Variants in GUCY1B1 observed in about 807,000 individuals in gnomAD.
GUCY1B1 encodes guanylate cyclase 1 soluble subunit beta 1.
Under a neutral mutation model 71.0 loss-of-function variants are expected in GUCY1B1, and 43 were observed. The observed-to-expected ratio is 0.61, with a 90% CI of 0.47 to 0.78. The LOEUF (loss-of-function observed/expected upper bound fraction) is 0.78, where lower values mean the gene tolerates loss of function less well. Ranked by LOEUF, GUCY1B1 falls within the 30% of genes least tolerant of loss-of-function variation. The pLI is 0.00. For synonymous variants in GUCY1B1, 266 were observed against 259.7 expected, an observed-to-expected ratio of 1.02 and a Z score of -0.23; for missense variants, 535 against 754.1, an observed-to-expected ratio of 0.71 and a Z score of 3.40.
chr4:155,782,335 C>G (rs996045974), intron 4 of GUCY1B1, among the ~76,000 whole-genome samples: 1 of 152,084 alleles, frequency 6.6e-6, no homozygotes, highest in African/African-American at 2.4e-5. Context: ...GTGATCCGCC[C>G]GCCTCGGCCT....
At chr4:155,774,102 G>C (rs1737873474) in intron 2 of GUCY1B1, among the ~76,000 whole-genome samples, 1 of 152,144 alleles carries the variant, frequency 6.6e-6, no homozygotes, top group African/African-American at 2.4e-5. Flanking sequence ...CTTTAACCTA[G>C]AGCAGTTTAT....
At chr4:155,770,508 C>T (rs754619541) in intron 2 of GUCY1B1, among the ~76,000 whole-genome samples, 2 of 152,168 alleles carry the variant, frequency 1.3e-5, no homozygotes, top group Non-Finnish European at 2.9e-5. Flanking sequence ...TTTCTACTAG[C>T]TTCAAAGGCC....
chr4:155,775,090 T>G, intron 3 of GUCY1B1, 22 bp downstream of exon 3: 1 of 1,264,284 alleles, frequency 7.9e-7, no homozygotes, highest in South Asian at 1.2e-5. Context: ...GCAACTTTCC[T>G]TCTTTGGCCA....
At chr4:155,799,405 C>T (rs1739789088) in intron 8 of GUCY1B1, among the ~76,000 whole-genome samples, 1 of 152,086 alleles carries the variant, frequency 6.6e-6, no homozygotes, top group African/African-American at 2.4e-5. Flanking sequence ...AATTTTTACT[C>T]ATTGTTTCCA....
chr4:155,778,962 A>G (rs2111052529), intron 4 of GUCY1B1, among the ~76,000 whole-genome samples: 1 of 150,874 alleles, frequency 6.6e-6, no homozygotes, highest in South Asian at 2.1e-4. Flanking sequence ...AAGTGGTTTT[A>G]TTAATTCCTT....
intron 5 of GUCY1B1, among the ~76,000 whole-genome samples, chr4:155,791,743 G>GAAAA (rs70954059): frequency 3.3e-5 from 2 of 60,032 alleles, no homozygotes; most frequent in Non-Finnish European, 4.6e-5. Flanking sequence ...AAAAAATAGA[G>GAAAA]AAAAAAAAAA....
intron 7 of GUCY1B1, 60 bp downstream of exon 7, chr4:155,795,517 A>AG: frequency 3.8e-6 from 3 of 797,028 alleles, no homozygotes; most frequent in Non-Finnish European, 4.3e-6. Flanking sequence ...AGAAGTATTC[A>AG]GGGGGGAAAA....
intron 2 of GUCY1B1, among the ~76,000 whole-genome samples, chr4:155,766,486 C>A (rs1737343519): frequency 6.6e-6 from 1 of 152,114 alleles, no homozygotes; most frequent in Non-Finnish European, 1.5e-5. Flanking sequence ...TTCAAGTATT[C>A]ATTATAGTAT....
At chr4:155,762,901 G>A (rs1481204496) in intron 2 of GUCY1B1, among the ~76,000 whole-genome samples, 2 of 152,128 alleles carry the variant, frequency 1.3e-5, no homozygotes, top group African/African-American at 2.4e-5. Context: ...GATGACCTCT[G>A]ATTTAGACCA....
At chr4:155,774,378 C>T (rs538449300) in intron 2 of GUCY1B1, among the ~76,000 whole-genome samples, 3 of 152,170 alleles carry the variant, frequency 2.0e-5, no homozygotes, top group East Asian at 1.9e-4. Context: ...GGCTTACTCT[C>T]GGAGCTCCTT....
At chr4:155,774,228 C>G (rs1173721987) in intron 2 of GUCY1B1, among the ~76,000 whole-genome samples, 2 of 152,190 alleles carry the variant, frequency 1.3e-5, no homozygotes, top group Non-Finnish European at 2.9e-5. Context: ...CCTACCCGTT[C>G]CCTGATAGCT....
intron 4 of GUCY1B1, among the ~76,000 whole-genome samples, chr4:155,786,511 C>A (rs1447985986): frequency 7.1e-6 from 1 of 141,564 alleles, no homozygotes; most frequent in African/African-American, 2.6e-5. Context: ...ACTCTGTCGC[C>A]CAGGCTGGAG....
At chr4:155,765,404 A>G (rs1236359551) in intron 2 of GUCY1B1, among the ~76,000 whole-genome samples, 3 of 152,160 alleles carry the variant, frequency 2.0e-5, no homozygotes, top group Non-Finnish European at 4.4e-5. Flanking sequence ...CAGCTTTTTC[A>G]TTCTCTCCTT....
Position 155,802,461 on chromosome 4 carries a change from C to T in GUCY1B1, c.1295C>T (p.Ala432Val), listed in dbSNP as rs367917156. 1.1e-4 allele frequency: 173 copies of T among 1,613,824 alleles called. No individual in the cohort carries two copies. Among genetic ancestry groups the T allele is most frequent in the Non-Finnish European group, 1.4e-4 (169 of 1,179,800 alleles). Residue 432 changes from alanine to valine, a missense_variant, in exon 10 of 14, where the codon GCT (alanine) becomes GTT (valine). Physicochemically the swap from Ala to Val is moderately conservative, Grantham distance 64. Coordinates refer to ENST00000264424, the MANE Select transcript of GUCY1B1 (RefSeq NM_000857.5). This position sits in a 1 kb window ranked among gnomAD's most constrained non-coding sequence, Gnocchi z 4.3. ...TTTAGTGGCATTGTGGGCTTCAATG[C>T]TTTCTGTAGCAAGCATGCATCTGGA... ...ILFSGIVGFN[A>V]FCSKHASGEG...
intron 9 of GUCY1B1, among the ~76,000 whole-genome samples, chr4:155,801,587 G>T (rs995769039): frequency 1.3e-4 from 20 of 152,096 alleles, no homozygotes; most frequent in African/African-American, 4.8e-4. Context: ...ATGCCCTTTT[G>T]CTTTAGAGCA....
chr4:155,789,900 A>G lies in GUCY1B1; in HGVS notation c.484A>G (p.Ile162Val), dbSNP rs759468592. The change falls in exon 5 of 14, where the codon ATA (isoleucine) becomes GTA (valine). Residue 162 changes from isoleucine (I) to valine (V), a missense_variant. Ile to Val is a conservative substitution (Grantham distance 29, BLOSUM62 3). Coordinates refer to ENST00000264424, the MANE Select transcript of GUCY1B1 (RefSeq NM_000857.5). ...GGCACAACAAATCCATGGCACTGAA[A>G]TAGACATGAAGGTAACAAACAGCAA... The part of the protein sequence containing the change: ...TVAQQIHGTE[I>V]DMKVIQQRNE... 78 of 1,606,302 alleles carry G rather than the reference A, an allele frequency of 4.9e-5. No individual in the cohort carries two copies. The highest frequency in any genetic ancestry group is 1.1e-5 in the Non-Finnish European group (13 of 1,174,160).
chr4:155,793,822 G>C, intron 5 of GUCY1B1, 34 bp from the exon 6 acceptor site: 1 of 915,022 alleles, frequency 1.1e-6, no homozygotes, highest in South Asian at 1.4e-5. Context: ...CTGAAATGAA[G>C]ACAATTCATG....
chr4:155,760,971 C>A (rs1322292590), intron 2 of GUCY1B1, among the ~76,000 whole-genome samples: 2 of 152,182 alleles, frequency 1.3e-5, no homozygotes, highest in Non-Finnish European at 2.9e-5. Flanking sequence ...ATGGTGATTT[C>A]TCATAACGAT....
chr4:155,782,776 C>T (rs1297347283), intron 4 of GUCY1B1, among the ~76,000 whole-genome samples: 1 of 152,172 alleles, frequency 6.6e-6, no homozygotes, highest in African/African-American at 2.4e-5. Flanking sequence ...TTCAGGGTAT[C>T]TTGGAACAGT....
Sources: allele counts gnomAD v4.1 joint callset (sites outside exome capture counted in the v4.1 genomes callset), GRCh38; gene constraint gnomAD v4.1.1; non-coding constraint Gnocchi (gnomAD v3.1); transcripts MANE v1.5; gene names NCBI Gene and HGNC (gene_info 2026-07-23, HGNC 2026-07-21).